The following DYRK4 variants were observed in gnomAD, a reference collection of about 807,000 sequenced individuals.
The protein encoded by DYRK4 is dual specificity tyrosine phosphorylation regulated kinase 4, also known as dual specificity tyrosine-phosphorylation-regulated kinase 4.
DYRK4 carries 64 observed loss-of-function variants against 68.3 expected under a neutral mutation model. That is an observed-to-expected ratio of 0.94 (90% CI 0.77 to 1.15). The LOEUF is 1.15. DYRK4 is among the 50% of genes most tolerant of loss of function. The pLI is 0.00. For missense variants in DYRK4, 740 were observed against 764.7 expected (o/e 0.97, Z 0.38); for synonymous variants, 274 against 289.9 (o/e 0.95, Z 0.56).
intron 2 of DYRK4, among the ~76,000 whole-genome samples, chr12:4,580,183 G>T (rs1450781475): frequency 6.6e-6 from 1 of 152,178 alleles, no homozygotes; most frequent in East Asian, 1.9e-4. Context: ...TGGACCCCCA[G>T]GCTCTTGCCC....
intron 2 of DYRK4, chr12:4,573,427 G>C (rs1944752734): frequency 4.7e-6 from 6 of 1,279,424 alleles, no homozygotes; most frequent in Non-Finnish European, 6.1e-6. Context: ...GGAGAACAAA[G>C]ATTTGAAATT....
At chr12:4,605,311 CCAT>C (rs763937198) in intron 11 of DYRK4, among the ~76,000 whole-genome samples, 95 of 152,316 alleles carry the variant, frequency 6.2e-4, no homozygotes, top group Non-Finnish European at 1.2e-3. Context: ...GATGTCATTT[CCAT>C]CATATTGTAA....
At chr12:4,604,865 G>A in intron 10 of DYRK4, 49 bp from the exon 11 acceptor site, 1 of 1,516,970 alleles carries the variant, frequency 6.6e-7, no homozygotes. Flanking sequence ...GAGCGTTCTG[G>A]AGGGTAAGAA....
intron 2 of DYRK4, among the ~76,000 whole-genome samples, chr12:4,571,570 G>T (rs1372490050): frequency 1.3e-5 from 2 of 151,980 alleles, no homozygotes; most frequent in Non-Finnish European, 2.9e-5. Context: ...AATTTTTATA[G>T]TTGGGTTTAT....
intron 12 of DYRK4, among the ~76,000 whole-genome samples, chr12:4,608,469 T>G (rs1945179482): frequency 6.6e-6 from 1 of 152,198 alleles, no homozygotes; most frequent in South Asian, 2.1e-4. Flanking sequence ...GGGGAGATCC[T>G]TTAGGATAAA....
At chr12:4,577,597 T>C (rs563120817) in intron 2 of DYRK4, among the ~76,000 whole-genome samples, 1 of 152,348 alleles carries the variant, frequency 6.6e-6, no homozygotes, top group Non-Finnish European at 1.5e-5. Flanking sequence ...TTTGGTTTTG[T>C]GTTGGCTATT....
chr12:4,562,368 G>T (rs1042979399), intron 1 of DYRK4, 85 bp downstream of exon 1: 49 of 1,459,886 alleles, frequency 3.4e-5, no homozygotes, highest in Admixed American at 4.6e-5. Flanking sequence ...ACGGGGTCGT[G>T]GGGGGAGAAT....
intron 2 of DYRK4, among the ~76,000 whole-genome samples, chr12:4,582,892 T>G (rs552660102): frequency 4.6e-5 from 7 of 152,196 alleles, no homozygotes; most frequent in Middle Eastern, 3.4e-3. Flanking sequence ...CCTGGTAAGT[T>G]GCTAGGAGAT....
intron 6 of DYRK4, among the ~76,000 whole-genome samples, chr12:4,594,709 CT>C (rs57307639): frequency 8.3e-4 from 121 of 146,100 alleles, no homozygotes; most frequent in Non-Finnish European, 7.7e-4. Flanking sequence ...TTAGAAAAGC[CT>C]TTTTTTTTTT....
chr12:4,606,293 G>GCTAT (rs3083726), intron 11 of DYRK4, among the ~76,000 whole-genome samples: 38,959 of 151,046 alleles, frequency 0.26, 5,192 homozygotes, highest in East Asian at 0.42. Flanking sequence ...TGGCTGGCTG[G>GCTAT]CTATCTATCT....
intron 8 of DYRK4, 143 bp from the exon 9 acceptor site, chr12:4,598,884 TA>T: frequency 1.2e-6 from 1 of 850,656 alleles, no homozygotes; most frequent in Non-Finnish European, 1.9e-6. Context: ...GCTGAGTCTA[TA>T]AGGGCATGAA....
rs546679771 is a variant in DYRK4, at chr12:4,592,987, G to A, written c.464-15G>A. 52 of 1,610,596 alleles carry A rather than the reference G, an allele frequency of 3.2e-5. No individual in the cohort carries two copies. The highest frequency in any genetic ancestry group is 4.2e-5 in the Non-Finnish European group (50 of 1,178,000). On this transcript the variant is annotated splice_polypyrimidine_tract_variant and intron_variant, in intron 5 of 14. Coordinates refer to ENST00000543431, the MANE Select transcript of DYRK4 (RefSeq NM_001394779.1). ...TGCCTCAACTGAACTCACAATTGTA[G>A]TGTTTTTCACACAGAGGCCCTAAAG...
In DYRK4 at chr12:4,596,730, G is replaced by T. The variant is rs749386967; in HGVS notation, c.905+1G>T. 2 of 1,613,488 alleles carry T rather than the reference G, an allele frequency of 1.2e-6. No homozygotes were observed. Among genetic ancestry groups the T allele is most frequent in the East Asian group, 2.2e-5 (1 of 44,876 alleles). On this transcript the variant is annotated splice_donor_variant, in intron 8 of 14. Coordinates refer to ENST00000543431, the MANE Select transcript of DYRK4 (RefSeq NM_001394779.1). LOFTEE classifies it high-confidence loss of function. ...TCTGCATCACCTTTGAGCTCCTGGG[G>T]TCAGCTGCCTTTTCTTCTTAACTCA...
At chr12:4,590,648 T>G in intron 4 of DYRK4, 2 of 1,074,324 alleles carry the variant, frequency 1.9e-6, no homozygotes, top group Non-Finnish European at 2.4e-6. Flanking sequence ...GGGCCCTCTC[T>G]AGAGCTGTCA....
rs529629990 is a variant in DYRK4, at chr12:4,598,011, AG to A, written c.906-1016del. On this transcript the variant is annotated intron_variant, in intron 8 of 14. Transcript: ENST00000543431. The stretch of plus-strand genomic sequence containing the variant: ...AATGTGGGAGGCAGAGGTTGCAGTG[AG>A]CTGAGATTGTGCCACTGCACTCCAG... 2.0e-3 allele frequency among the ~76,000 whole-genome samples: 308 copies of A among 152,310 alleles called. 1 individual carries two copies. Among genetic ancestry groups the A allele is most frequent in the Non-Finnish European group, 3.4e-3 (232 of 68,018 alleles).
chr12:4,564,652 A>C (rs1292701148), intron 1 of DYRK4, among the ~76,000 whole-genome samples: 1 of 152,236 alleles, frequency 6.6e-6, no homozygotes, highest in Non-Finnish European at 1.5e-5. Flanking sequence ...CTTGAAAACA[A>C]GGCTTCTGTT....
intron 2 of DYRK4, among the ~76,000 whole-genome samples, chr12:4,581,644 G>C (rs1944843230): frequency 6.6e-6 from 1 of 152,148 alleles, no homozygotes. Context: ...CACCAGGAGA[G>C]GGAAGGACTG....
Position 4,598,958 on chromosome 12 carries a change from T to G in DYRK4, c.906-70T>G, listed in dbSNP as rs759945408. The G allele has an allele frequency of 1.1e-4, 166 of 1,562,654 alleles. 1 individual carries two copies. The highest frequency in any genetic ancestry group is 1.1e-5 in the Non-Finnish European group (13 of 1,141,608). On this transcript the variant is annotated intron_variant, in intron 8 of 14. Transcript: ENST00000543431. Reference sequence around the variant, plus strand: ...ACGGAAACCAGGTGATACAAGATTGTTTGCAGGTTCAAACTCAGCCTTATA... The same window carrying G: ...ACGGAAACCAGGTGATACAAGATTGGTTGCAGGTTCAAACTCAGCCTTATA...
rs1945016084 is a variant in DYRK4 at position 4,596,208 on chromosome 12, C to T, written c.687C>T (p.Ser229=). 1.2e-6 allele frequency: 2 copies of T among 1,614,204 alleles called. No homozygotes were observed. Among genetic ancestry groups the T allele is most frequent in the Non-Finnish European group, 1.7e-6 (2 of 1,180,044 alleles). The change falls in exon 7 of 15, where the codon TCC becomes TCT. Residue 229 remains serine (S), a synonymous_variant. Coordinates refer to ENST00000543431, the MANE Select transcript of DYRK4 (RefSeq NM_001394779.1). ...TTCTGGAGACAATCGGGAAGGGGTC[C>T]TTTGGACAGGTGGCCAAGTGCTTGG... The part of the protein sequence containing the change: ...YEVLETIGKG[S]FGQVAKCLDH...
Sources: allele counts gnomAD v4.1 joint callset (sites outside exome capture counted in the v4.1 genomes callset), GRCh38; gene constraint gnomAD v4.1.1; transcripts MANE v1.5; gene names NCBI Gene and HGNC (gene_info 2026-07-23, HGNC 2026-07-21).